The following MECOM variants were observed in gnomAD, a reference collection of about 807,000 sequenced individuals.
MECOM encodes histone-lysine N-methyltransferase MECOM.
MECOM carries 13 observed loss-of-function variants against 116.3 expected under a neutral mutation model. That is an observed-to-expected ratio of 0.11 (90% CI 0.07 to 0.18). The LOEUF is 0.18. Among genes scored for constraint, MECOM ranks in the 10% least tolerant of loss-of-function variants. The pLI, the probability that MECOM is intolerant of heterozygous loss-of-function variation, is 1.00. For synonymous variants in MECOM, 528 were observed against 535.2 expected (o/e 0.99, Z 0.19); for missense variants, 1,299 against 1,509.0 (o/e 0.86, Z 2.31).
chr3:169,110,275 G>A (rs1726912717), intron 9 of MECOM, among the ~76,000 whole-genome samples: 1 of 152,046 alleles, frequency 6.6e-6, no homozygotes, highest in Non-Finnish European at 1.5e-5. Flanking sequence ...GCATGGCCCT[G>A]GCAAAGAAAT....
intron 1 of MECOM, among the ~76,000 whole-genome samples, chr3:169,496,587 G>A (rs904843274): frequency 2.6e-5 from 4 of 152,172 alleles, no homozygotes; most frequent in African/African-American, 9.7e-5. Context: ...TGTGCCAGTT[G>A]TTCTTCCTGA....
At chr3:169,317,154 T>C (rs1699227684) in intron 2 of MECOM, among the ~76,000 whole-genome samples, 1 of 152,210 alleles carries the variant, frequency 6.6e-6, no homozygotes, top group Non-Finnish European at 1.5e-5. Flanking sequence ...TATTACTGGC[T>C]TAGAGTTGTT....
intron 4 of MECOM, among the ~76,000 whole-genome samples, chr3:169,128,528 C>A (rs914731273): frequency 1.3e-5 from 2 of 152,084 alleles, no homozygotes; most frequent in African/African-American, 4.8e-5. Flanking sequence ...GTTTTGAAAC[C>A]ATTTCTATTC....
intron 1 of MECOM, among the ~76,000 whole-genome samples, chr3:169,578,360 G>C (rs1165009525): frequency 1.3e-5 from 2 of 152,042 alleles, no homozygotes; most frequent in Admixed American, 6.6e-5. Flanking sequence ...TTTTTTTTTA[G>C]AGTTTCACAC....
At chr3:169,223,241 T>G (rs190643215) in intron 2 of MECOM, among the ~76,000 whole-genome samples, 1 of 150,936 alleles carries the variant, frequency 6.6e-6, no homozygotes, top group Admixed American at 6.6e-5. Flanking sequence ...GACTCGTCAT[T>G]TACATTAGGT....
chr3:169,459,098 G>C (rs1206687226), intron 1 of MECOM, among the ~76,000 whole-genome samples: 1 of 152,194 alleles, frequency 6.6e-6, no homozygotes, highest in Non-Finnish European at 1.5e-5. Context: ...ATTTTCACAT[G>C]TGCTTGGGAA....
chr3:169,626,370 G>A lies in MECOM; in HGVS notation c.37+36966C>T, dbSNP rs189580544. 1.7e-3 allele frequency among the ~76,000 whole-genome samples: 257 copies of A among 152,352 alleles called. 1 individual carries two copies. The highest frequency in any genetic ancestry group is 6.1e-3 in the African/African-American group (254 of 41,586). ...CAATTAAAGAGTTAATAATCATTGA[G>A]CGGAGCTTGGGAGCAGAAGGTACCC... On this transcript the variant is annotated intron_variant, in intron 1 of 16. Coordinates refer to ENST00000651503, the MANE Select transcript of MECOM (RefSeq NM_004991.4).
At chr3:169,166,866 G>A (rs74973182) in intron 2 of MECOM, among the ~76,000 whole-genome samples, 5,867 of 152,218 alleles carry the variant, frequency 0.039, 167 homozygotes, top group Non-Finnish European at 0.058. Context: ...GATTACAGCC[G>A]TAAGCCACTG....
At chr3:169,150,489 CACTGCCCTTGAAATGGGCT>C (rs2149324057) in intron 2 of MECOM, among the ~76,000 whole-genome samples, 1 of 152,372 alleles carries the variant, frequency 6.6e-6, no homozygotes, top group South Asian at 2.1e-4. Context: ...CAGTGTTTAG[CACTGCCCTTGAAATGGGCT>C]ATTAAAAATA....
At chr3:169,102,569 T>C (rs112604527) in intron 10 of MECOM, among the ~76,000 whole-genome samples, 1 of 152,194 alleles carries the variant, frequency 6.6e-6, no homozygotes, top group Non-Finnish European at 1.5e-5. Flanking sequence ...ATTAGTATCA[T>C]GGTATGGATA....
chr3:169,295,016 T>C (rs1715326915), intron 2 of MECOM, among the ~76,000 whole-genome samples: 1 of 152,194 alleles, frequency 6.6e-6, no homozygotes, highest in South Asian at 2.1e-4. Flanking sequence ...TGCTTAGTTT[T>C]CTTTATTTAA....
chr3:169,370,501 G>A (rs1270742371), intron 2 of MECOM, among the ~76,000 whole-genome samples: 1 of 151,572 alleles, frequency 6.6e-6, no homozygotes, highest in Non-Finnish European at 1.5e-5. Flanking sequence ...AAAAGCATAG[G>A]CAATAAAAGC....
At chr3:169,517,501 G>A (rs1756783613) in intron 1 of MECOM, among the ~76,000 whole-genome samples, 1 of 152,186 alleles carries the variant, frequency 6.6e-6, no homozygotes, top group African/African-American at 2.4e-5. Context: ...TCCTATAAGA[G>A]GGAGCAGGGA....
At chr3:169,351,623 A>G in intron 2 of MECOM, among the ~76,000 whole-genome samples, 1 of 151,940 alleles carries the variant, frequency 6.6e-6, no homozygotes, top group Admixed American at 6.6e-5. Flanking sequence ...TGTTAATAAT[A>G]TTCAAATGTA....
intron 2 of MECOM, among the ~76,000 whole-genome samples, chr3:169,155,408 G>T (rs1347697845): frequency 6.6e-6 from 1 of 152,042 alleles, no homozygotes; most frequent in African/African-American, 2.4e-5. Flanking sequence ...AATAGTCATT[G>T]GTTCAGTTGG....
At chr3:169,452,644 GT>G (rs1411328877) in intron 1 of MECOM, among the ~76,000 whole-genome samples, 1 of 152,168 alleles carries the variant, frequency 6.6e-6, no homozygotes, top group Non-Finnish European at 1.5e-5. Flanking sequence ...CTAAAATGCA[GT>G]TCTGCGCCGG....
At chr3:169,522,587 G>T (rs1019483111) in intron 1 of MECOM, among the ~76,000 whole-genome samples, 4 of 152,132 alleles carry the variant, frequency 2.6e-5, no homozygotes, top group Admixed American at 2.6e-4. Context: ...ACTCAGCCAC[G>T]ACCAGGTGAT....
chr3:169,378,523 AAAG>A (rs1560198164), intron 2 of MECOM, among the ~76,000 whole-genome samples: 9 of 25,732 alleles, frequency 3.5e-4, no homozygotes, highest in South Asian at 1.7e-3. Context: ...GAAAAGAAAG[AAAG>A]AAAGAAAGAA....
chr3:169,396,583 T>C (rs1735053056), intron 1 of MECOM, among the ~76,000 whole-genome samples: 1 of 152,248 alleles, frequency 6.6e-6, no homozygotes, highest in Admixed American at 6.5e-5. Flanking sequence ...CCTGCTTTAA[T>C]GTGACTACTA....
Sources: gnomAD v4.1 joint callset for allele counts (sites outside exome capture counted in the v4.1 genomes callset) on GRCh38, gnomAD v4.1.1 for gene constraint, MANE v1.5 for transcripts, NCBI Gene and HGNC (gene_info 2026-07-23, HGNC 2026-07-21) for gene names.